Variants in IGDCC3 observed in about 807,000 individuals in gnomAD.
The protein encoded by IGDCC3 is putative neuronal cell adhesion molecule.
IGDCC3 carries 47 observed loss-of-function variants against 72.0 expected under a neutral mutation model. The observed-to-expected ratio is 0.65, with a 90% CI of 0.52 to 0.83. The LOEUF (loss-of-function observed/expected upper bound fraction) is 0.83, where lower values mean the gene tolerates loss of function less well. Among genes scored for constraint, IGDCC3 ranks in the 40% least tolerant of loss-of-function variants. IGDCC3 has a pLI of 0.00. For synonymous variants in IGDCC3, 477 were observed against 472.8 expected, an observed-to-expected ratio of 1.01 and a Z score of -0.11; for missense variants, 1,038 against 1,091.3, an observed-to-expected ratio of 0.95 and a Z score of 0.69.
intron 5 of IGDCC3, 122 bp downstream of exon 5, chr15:65,334,606 G>C (rs1444512601): frequency 1.1e-5 from 10 of 918,696 alleles, no homozygotes; most frequent in African/African-American, 3.4e-5. Flanking sequence ...GGATAGAATG[G>C]ACCCCCACAG....
rs1302250564 is a variant in IGDCC3 at position 65,329,578 on chromosome 15, C to T, written c.2017G>A (p.Val673Met). The T allele has an allele frequency of 1.9e-6, 3 of 1,612,180 alleles. No homozygotes were observed. The highest frequency in any genetic ancestry group is 4.5e-5 in the East Asian group (2 of 44,866). ...QRGRVLLCKD[V>M]ENQLSPPQGP... Reference sequence around the variant, plus strand: ...TGTGGAGGGGACAGCTGGTTTTCCACATCTTTACACAGGAGGACCCTAAGG... The same window carrying T: ...TGTGGAGGGGACAGCTGGTTTTCCATATCTTTACACAGGAGGACCCTAAGG... Residue 673 changes from valine (V) to methionine (M), a missense_variant, in exon 13 of 14, where the codon GTG becomes ATG. By Grantham distance (21) the Val-to-Met change is conservative. Coordinates refer to ENST00000327987, the MANE Select transcript of IGDCC3 (RefSeq NM_004884.4). This position sits in a 1 kb window ranked among gnomAD's most constrained non-coding sequence, Gnocchi z 4.1.
At chr15:65,373,761 A>G in intron 2 of IGDCC3, 1 of 152,778 alleles carries the variant, frequency 6.5e-6, no homozygotes, top group Non-Finnish European at 1.5e-5. Flanking sequence ...CCATTCTCCC[A>G]GGGCTGTTGT....
intron 5 of IGDCC3, among the ~76,000 whole-genome samples, chr15:65,334,413 GGGGTGCTGAGGGCTGCTGAA>G (rs56974687): frequency 3.2e-4 from 49 of 152,150 alleles, no homozygotes; most frequent in African/African-American, 1.2e-3. Context: ...GACAGATTCT[GGGGTGCTGAGGGCTGCTGAA>G]GGGTGCTGGG....
At chr15:65,357,786 G>A (rs1297321181) in intron 2 of IGDCC3, among the ~76,000 whole-genome samples, 1 of 152,186 alleles carries the variant, frequency 6.6e-6, no homozygotes, top group Non-Finnish European at 1.5e-5. Flanking sequence ...GTTCATCTTA[G>A]AGTTATACTT....
intron 2 of IGDCC3, among the ~76,000 whole-genome samples, chr15:65,341,823 G>T (rs1275374572): frequency 2.6e-5 from 4 of 152,158 alleles, no homozygotes; most frequent in African/African-American, 9.7e-5. Context: ...ACCCAGGCTG[G>T]AGTGTAGTGG....
At chr15:65,364,529 G>A (rs1055170656) in intron 2 of IGDCC3, among the ~76,000 whole-genome samples, 2 of 152,160 alleles carry the variant, frequency 1.3e-5, no homozygotes, top group African/African-American at 4.8e-5. Context: ...CTGCCATGGA[G>A]GTCAGGAGCC....
At chr15:65,359,353 G>C (rs1295239966) in intron 2 of IGDCC3, among the ~76,000 whole-genome samples, 1 of 152,184 alleles carries the variant, frequency 6.6e-6, no homozygotes. Flanking sequence ...CTTCCATGGG[G>C]GATGCACAGG....
At chr15:65,360,648 G>A (rs551033715) in intron 2 of IGDCC3, among the ~76,000 whole-genome samples, 1 of 152,216 alleles carries the variant, frequency 6.6e-6, no homozygotes, top group African/African-American at 2.4e-5. Context: ...AAAGATCTGA[G>A]AAGTGTTTGT....
intron 2 of IGDCC3, 60 bp from the exon 3 acceptor site, chr15:65,336,016 T>G: frequency 1.3e-6 from 2 of 1,556,482 alleles, no homozygotes; most frequent in Non-Finnish European, 1.8e-6. Flanking sequence ...TAGGAGAGAA[T>G]GGGCTGCAGT....
At chr15:65,340,283 G>T (rs114823987) in intron 2 of IGDCC3, among the ~76,000 whole-genome samples, 1 of 152,134 alleles carries the variant, frequency 6.6e-6, no homozygotes, top group Admixed American at 6.5e-5. Flanking sequence ...CAGGCTCCAG[G>T]GGGAGGTGGG....
At chr15:65,340,792 G>GCACA (rs2091074018) in intron 2 of IGDCC3, among the ~76,000 whole-genome samples, 3 of 152,254 alleles carry the variant, frequency 2.0e-5, no homozygotes, top group South Asian at 4.1e-4. Context: ...GCAGTGGTGA[G>GCACA]ATCTCAGCTC....
intron 5 of IGDCC3, 67 bp from the exon 6 acceptor site, chr15:65,333,482 A>G (rs1296424397): frequency 7.0e-7 from 1 of 1,433,224 alleles, no homozygotes; most frequent in African/African-American, 1.4e-5. Context: ...AAAGTAAAGG[A>G]AACTTCCAGA....
chr15:65,348,518 A>G (rs975354335), intron 2 of IGDCC3, among the ~76,000 whole-genome samples: 2 of 152,218 alleles, frequency 1.3e-5, no homozygotes, highest in Admixed American at 6.5e-5. Context: ...CCCAAAGGGA[A>G]TAGACTGCAG....
intron 2 of IGDCC3, among the ~76,000 whole-genome samples, chr15:65,336,379 G>A (rs117105320): frequency 0.01 from 1,585 of 152,242 alleles, 17 homozygotes; most frequent in Non-Finnish European, 0.017. Context: ...CCTAAGGCAG[G>A]CAAGGGCTCA....
In IGDCC3 at chr15:65,330,643, A is replaced by G; in HGVS notation, c.1660T>C (p.Phe554Leu). The G allele has an allele frequency of 6.2e-7, 1 of 1,613,654 alleles. No individual in the cohort carries two copies. Among genetic ancestry groups the G allele is most frequent in the Non-Finnish European group, 8.5e-7 (1 of 1,179,838 alleles). The part of the protein sequence containing the change: ...WPRLAQHEGG[F>L]KLFYRPASKT... ...CTTGCTGGGCGGTAAAACAGCTTGA[A>G]GCCGCCCTCGTGCTGGGCCAGCCGG... is the stretch of plus-strand genomic sequence containing the variant. The change falls in exon 10 of 14, where the codon TTC (phenylalanine) becomes CTC (leucine). Residue 554 changes from phenylalanine to leucine, a missense_variant. Physicochemically the swap from Phe to Leu is conservative, Grantham distance 22 (BLOSUM62 0). Transcript: ENST00000327987.
chr15:65,334,667 C>A (rs2141035553), intron 5 of IGDCC3, 61 bp downstream of exon 5: 5 of 1,422,968 alleles, frequency 3.5e-6, no homozygotes, highest in South Asian at 1.4e-5. Flanking sequence ...GAGTCTGAGA[C>A]CGGCCCTCCC....
chr15:65,348,397 G>A (rs1250324221), intron 2 of IGDCC3, among the ~76,000 whole-genome samples: 1 of 152,136 alleles, frequency 6.6e-6, no homozygotes, highest in African/African-American at 2.4e-5. Context: ...AATCACAGAA[G>A]GATTATAGTG....
Position 65,331,114 on chromosome 15 carries a change from C to CTTGA in IGDCC3, c.1493_1496dup (p.Lys499AsnfsTer19). On this transcript the variant is annotated frameshift_variant, in exon 9 of 14. Coordinates refer to ENST00000327987, the MANE Select transcript of IGDCC3 (RefSeq NM_004884.4). LOFTEE classifies it high-confidence loss of function. The stretch of plus-strand genomic sequence containing the variant: ...AGCTGGCCCCCCTTGGTGTGTAGGC[C>CTTGA]TTGATGTAGAAACTGTAGGCTGTGG... 2 of 1,614,128 alleles carry CTTGA rather than the reference C, an allele frequency of 1.2e-6. No individual in the cohort carries two copies. The highest frequency in any genetic ancestry group is 1.7e-6 in the Non-Finnish European group (2 of 1,180,020).
At chr15:65,330,918 G>A in intron 9 of IGDCC3, 132 bp downstream of exon 9, 1 of 1,167,310 alleles carries the variant, frequency 8.6e-7, no homozygotes, top group East Asian at 2.5e-5. Flanking sequence ...TTTCCTCCAA[G>A]TAGACTCAGC....
Sources: gnomAD v4.1 joint callset for allele counts (sites outside exome capture counted in the v4.1 genomes callset) on GRCh38, gnomAD v4.1.1 for gene constraint, Gnocchi (gnomAD v3.1) non-coding constraint, MANE v1.5 for transcripts, NCBI Gene and HGNC (gene_info 2026-07-23, HGNC 2026-07-21) for gene names.